The following SGCZ variants were observed in gnomAD, a reference collection of about 807,000 sequenced individuals.
The protein encoded by SGCZ is zeta-sarcoglycan.
A neutral mutation model predicts 41.3 loss-of-function variants in SGCZ; 40 were observed. The observed-to-expected ratio is 0.97, with a 90% confidence interval of 0.75 to 1.26. The LOEUF (loss-of-function observed/expected upper bound fraction) is 1.26, where lower values mean the gene tolerates loss of function less well. SGCZ is among the 50% of genes most tolerant of loss of function. SGCZ has a pLI of 0.00. For synonymous variants in SGCZ, 206 were observed against 137.5 expected (o/e 1.50, Z -3.49); for missense variants, 552 against 369.8 (o/e 1.49, Z -4.04).
At chr8:15,234,964 G>A (rs1178575285) in intron 1 of SGCZ, among the ~76,000 whole-genome samples, 1 of 152,070 alleles carries the variant, frequency 6.6e-6, no homozygotes, top group African/African-American at 2.4e-5. Flanking sequence ...AACATTTTTT[G>A]TATATTTAAA....
intron 1 of SGCZ, among the ~76,000 whole-genome samples, chr8:14,895,288 G>A (rs998920770): frequency 2.0e-5 from 3 of 152,078 alleles, no homozygotes; most frequent in Non-Finnish European, 4.4e-5. Context: ...TCTTCTGATT[G>A]TTAGTGTACT....
At chr8:14,981,673 T>C (rs1035992381) in intron 1 of SGCZ, among the ~76,000 whole-genome samples, 2 of 152,198 alleles carry the variant, frequency 1.3e-5, no homozygotes, top group Non-Finnish European at 2.9e-5. Flanking sequence ...ACAGCCAATG[T>C]ACATGATTCT....
intron 1 of SGCZ, among the ~76,000 whole-genome samples, chr8:14,986,371 C>T (rs1403428750): frequency 6.6e-6 from 1 of 151,950 alleles, no homozygotes; most frequent in Non-Finnish European, 1.5e-5. Flanking sequence ...TCTCTAAAAA[C>T]CCAGCTTTTA....
chr8:14,374,144 G>A (rs974834892), intron 2 of SGCZ, among the ~76,000 whole-genome samples: 17 of 152,152 alleles, frequency 1.1e-4, no homozygotes, highest in Non-Finnish European at 2.2e-4. Flanking sequence ...TTGGAAGGCC[G>A]AGGCAGGCCA....
chr8:14,839,430 G>C (rs1352066368), intron 1 of SGCZ, among the ~76,000 whole-genome samples: 1 of 152,154 alleles, frequency 6.6e-6, no homozygotes, highest in Admixed American at 6.5e-5. Context: ...TAGATGTCAA[G>C]TATGCAGTTG....
intron 1 of SGCZ, among the ~76,000 whole-genome samples, chr8:14,838,647 C>A (rs1363177482): frequency 6.6e-6 from 1 of 152,192 alleles, no homozygotes; most frequent in Non-Finnish European, 1.5e-5. Flanking sequence ...TCCCTGGCTA[C>A]TTTTGCCTTC....
chr8:14,530,655 C>G (rs1456550905), intron 2 of SGCZ, among the ~76,000 whole-genome samples: 1 of 148,600 alleles, frequency 6.7e-6, no homozygotes, highest in Non-Finnish European at 1.5e-5. Context: ...AGTTAAATGA[C>G]TTCAGAACTA....
In SGCZ at chr8:14,183,745, C is replaced by T. The variant is rs527982896; in HGVS notation, c.425-19043G>A. 1.1e-4 allele frequency among the ~76,000 whole-genome samples: 17 copies of T among 152,164 alleles called. No individual in the cohort carries two copies. In the South Asian group the frequency reaches 2.9e-3, roughly 26 times the overall value. ...TAATAATGAAATATTGAAAGGTTTC[C>T]CTGTAAACTAAGAAAGGAGAAAACA... On this transcript the variant is annotated intron_variant, in intron 4 of 7. Transcript: ENST00000382080.
chr8:15,109,242 G>A (rs957591955), intron 1 of SGCZ, among the ~76,000 whole-genome samples: 1 of 152,114 alleles, frequency 6.6e-6, no homozygotes, highest in Non-Finnish European at 1.5e-5. Flanking sequence ...ACAGATCCCA[G>A]GAGCCCAATG....
rs59543494 is a variant in SGCZ at position 14,978,470 on chromosome 8, CAAAAAAAAAAAAAAAA to C, written c.39+259099_39+259114del. ...TGGAGGACCGAGTGAGACACCGTCA[CAAAAAAAAAAAAAAAA>C]AAAAAAAAAAAAAAAAAAAATTGTA... On this transcript the variant is annotated intron_variant, in intron 1 of 7. Transcript: ENST00000382080. Among the ~76,000 whole-genome samples the C allele has an allele frequency of 4.8e-4, 30 of 62,824 alleles. No individual in the cohort carries two copies. The South Asian group carries it at 5.3e-3, about 11-fold the overall frequency. The allele number at this position is 62,824 out of a possible 152,430, so 41.2% of individuals were successfully genotyped here.
At chr8:14,766,107 T>C (rs1051380571) in intron 1 of SGCZ, among the ~76,000 whole-genome samples, 9 of 151,508 alleles carry the variant, frequency 5.9e-5, no homozygotes, top group Admixed American at 4.6e-4. Flanking sequence ...GGATTACAGG[T>C]ATGTGCCACC....
intron 1 of SGCZ, among the ~76,000 whole-genome samples, chr8:15,086,169 G>C (rs1805941763): frequency 6.6e-6 from 1 of 152,032 alleles, no homozygotes; most frequent in South Asian, 2.1e-4. Context: ...ATTCTAACAA[G>C]CAAAATATTA....
intron 1 of SGCZ, among the ~76,000 whole-genome samples, chr8:14,661,199 T>C (rs1433323048): frequency 6.6e-6 from 1 of 152,164 alleles, no homozygotes; most frequent in Non-Finnish European, 1.5e-5. Flanking sequence ...TGGACAATAA[T>C]ATACTCATTA....
intron 2 of SGCZ, chr8:14,487,722 A>G (rs1801715446): frequency 6.6e-6 from 1 of 152,236 alleles, no homozygotes; most frequent in Non-Finnish European, 1.5e-5. Context: ...CAGAATTACT[A>G]ATACTTAATA....
intron 5 of SGCZ, among the ~76,000 whole-genome samples, chr8:14,131,104 A>G (rs1803027431): frequency 6.6e-6 from 1 of 152,112 alleles, no homozygotes; most frequent in Non-Finnish European, 1.5e-5. Context: ...TTGCCTATCA[A>G]ACTTCTGCTC....
chr8:15,232,713 ATG>A (rs1286762546), intron 1 of SGCZ, among the ~76,000 whole-genome samples: 2 of 145,556 alleles, frequency 1.4e-5, no homozygotes, highest in African/African-American at 5.0e-5. Flanking sequence ...ATACATATAT[ATG>A]TGTGTATATA....
At chr8:14,513,364 G>A (rs900971304) in intron 2 of SGCZ, among the ~76,000 whole-genome samples, 1 of 151,940 alleles carries the variant, frequency 6.6e-6, no homozygotes, top group Non-Finnish European at 1.5e-5. Flanking sequence ...ACACGAAAAA[G>A]TATTTCATTT....
At chr8:14,605,519 T>G (rs1373287869) in intron 1 of SGCZ, among the ~76,000 whole-genome samples, 7 of 152,118 alleles carry the variant, frequency 4.6e-5, no homozygotes. Flanking sequence ...TTTCTATTTT[T>G]TTGTACCCAT....
chr8:14,479,394 C>A lies in SGCZ; in HGVS notation c.234+75338G>T, dbSNP rs372701902. Among the ~76,000 whole-genome samples the A allele has an allele frequency of 1.5e-4, 23 of 152,240 alleles. No homozygotes were observed. The East Asian group carries it at 4.1e-3, about 27-fold the overall frequency. Reference sequence around the variant, plus strand: ...CGCCTGCTTTTATTTCAGCAGCGTTCGCAGCTGATTAGATGGTGCTCACTT... The same window carrying A: ...CGCCTGCTTTTATTTCAGCAGCGTTAGCAGCTGATTAGATGGTGCTCACTT... On this transcript the variant is annotated intron_variant, in intron 2 of 7. Coordinates refer to ENST00000382080, the MANE Select transcript of SGCZ (RefSeq NM_139167.4).
Sources: gnomAD v4.1 joint callset for allele counts (sites outside exome capture counted in the v4.1 genomes callset) on GRCh38, gnomAD v4.1.1 for gene constraint, MANE v1.5 for transcripts, NCBI Gene and HGNC (gene_info 2026-07-23, HGNC 2026-07-21) for gene names.